The following USP33 variants were observed in gnomAD, a reference collection of about 807,000 sequenced individuals.
The protein encoded by USP33 is ubiquitin carboxyl-terminal hydrolase 33.
In USP33, 46 loss-of-function variants were observed where a neutral mutation model predicts 124.2. That is an observed-to-expected ratio of 0.37 (90% confidence interval 0.29 to 0.47). The LOEUF is 0.47. Among genes scored for constraint, USP33 ranks in the 20% least tolerant of loss-of-function variants. USP33 has a pLI of 0.99. For synonymous variants in USP33, 350 were observed against 352.3 expected, an observed-to-expected ratio of 0.99 and a Z score of 0.07; for missense variants, 851 against 1,070.6, an observed-to-expected ratio of 0.79 and a Z score of 2.86.
intron 11 of USP33, among the ~76,000 whole-genome samples, chr1:77,725,208 T>C (rs1443264180): frequency 6.6e-6 from 1 of 152,188 alleles, no homozygotes; most frequent in Non-Finnish European, 1.5e-5. Context: ...TACTATATGA[T>C]TTCATTTATA....
intron 1 of USP33, among the ~76,000 whole-genome samples, chr1:77,758,547 AT>A (rs1005977418): frequency 1.3e-5 from 2 of 152,062 alleles, no homozygotes; most frequent in African/African-American, 4.8e-5. Flanking sequence ...TATTTCTATT[AT>A]TTTTTCATAA....
intron 21 of USP33, chr1:77,711,528 TACACAC>T (rs66475824): frequency 0.039 from 13,516 of 348,240 alleles, 411 homozygotes; most frequent in African/African-American, 0.12. Flanking sequence ...TTTTGTCTCA[TACACAC>T]ACACACACAC....
At chr1:77,720,776 T>A (rs1396325533) in intron 15 of USP33, among the ~76,000 whole-genome samples, 1 of 152,244 alleles carries the variant, frequency 6.6e-6, no homozygotes, top group Non-Finnish European at 1.5e-5. Flanking sequence ...CTTTCTCGTA[T>A]GCCATTGTTA....
intron 5 of USP33, 68 bp from the exon 6 acceptor site, chr1:77,736,226 T>C: frequency 4.0e-6 from 4 of 1,006,732 alleles, no homozygotes; most frequent in Non-Finnish European, 5.9e-6. Flanking sequence ...TAATTGTAAC[T>C]TATATAACAT....
intron 1 of USP33, chr1:77,746,652 C>A (rs1332294294): frequency 6.6e-6 from 1 of 152,208 alleles, no homozygotes; most frequent in African/African-American, 2.4e-5. Flanking sequence ...CAAACCGAAT[C>A]CAGCAATACA....
At chr1:77,707,091 A>G (rs1674715441) in intron 21 of USP33, among the ~76,000 whole-genome samples, 1 of 152,226 alleles carries the variant, frequency 6.6e-6, no homozygotes, top group Non-Finnish European at 1.5e-5. Context: ...TGAATACTAC[A>G]TTACTACATA....
Position 77,702,141 on chromosome 1 carries a change from CAAAAAAAAAAAAAAAAA to C in USP33, c.2407-687_2407-671del, listed in dbSNP as rs58750531. On this transcript the variant is annotated intron_variant, in intron 21 of 23. Transcript: ENST00000370794. ...TGGGTGACAGAACAAGACCCTGTCT[CAAAAAAAAAAAAAAAAA>C]AAAAAAAAAAAAAAAAAAACCAGTG... is the stretch of plus-strand genomic sequence containing the variant. 2.0e-3 allele frequency among the ~76,000 whole-genome samples: 31 copies of C among 15,782 alleles called. 1 individual carries two copies. The highest frequency in any genetic ancestry group is 3.6e-3 in the Non-Finnish European group (22 of 6,054). The allele number at this position is 15,782 out of a possible 152,430, so 10.4% of individuals were successfully genotyped here.
At chr1:77,712,586 T>A (rs573773920) in intron 20 of USP33, among the ~76,000 whole-genome samples, 1 of 152,268 alleles carries the variant, frequency 6.6e-6, no homozygotes, top group African/African-American at 2.4e-5. Context: ...TCCCAATACT[T>A]TGGACTTTGG....
rs538879229 is a variant in USP33 at position 77,720,366 on chromosome 1, C to T, written c.1691+806G>A. On this transcript the variant is annotated intron_variant, in intron 15 of 23. Coordinates refer to ENST00000370794, the MANE Select transcript of USP33 (RefSeq NM_201624.3). Reference sequence around the variant, plus strand: ...GCTTTGCTTTACAAGGAACAATCCCCTTCCAAGCCAACTTCCTTTTCAGCA... The same window carrying T: ...GCTTTGCTTTACAAGGAACAATCCCTTTCCAAGCCAACTTCCTTTTCAGCA... The T allele has an allele frequency of 3.0e-6, 3 of 985,328 alleles. No individual in the cohort carries two copies. The East Asian group carries it at 3.4e-4, about 112-fold the overall frequency. 61.0% of individuals were successfully genotyped at this position (985,328 alleles called of 1,614,324 possible). A position where few individuals can be genotyped will look rare whatever the true frequency, so the allele number is the denominator to read the frequency against.
intron 1 of USP33, among the ~76,000 whole-genome samples, chr1:77,755,083 T>G (rs1211500942): frequency 1.3e-5 from 2 of 152,202 alleles, no homozygotes; most frequent in East Asian, 3.8e-4. Flanking sequence ...GAGTCTCAAA[T>G]AAGCTGATGA....
intron 12 of USP33, 45 bp downstream of exon 12, chr1:77,723,286 C>T: frequency 7.2e-7 from 1 of 1,383,148 alleles, no homozygotes; most frequent in South Asian, 1.2e-5. Context: ...TTTTAAAAAT[C>T]ATTTGACACG....
chr1:77,702,822 A>T (rs184967920), intron 21 of USP33, among the ~76,000 whole-genome samples: 43 of 152,138 alleles, frequency 2.8e-4, no homozygotes, highest in South Asian at 2.1e-3. Flanking sequence ...CCCAAGTGAG[A>T]GAAAAACTGA....
chr1:77,717,802 C>G, intron 17 of USP33, 65 bp downstream of exon 17: 1 of 1,416,540 alleles, frequency 7.1e-7, no homozygotes, highest in Non-Finnish European at 9.3e-7. Flanking sequence ...GTATGAGCCA[C>G]CACGCCCAGG....
chr1:77,713,320 A>C, intron 19 of USP33, 39 bp from the exon 20 acceptor site: 1 of 1,503,988 alleles, frequency 6.6e-7, no homozygotes, highest in Non-Finnish European at 9.0e-7. Context: ...CATGCTTTTA[A>C]TTATATTCCT....
At chr1:77,726,810 C>A (rs368224929) in intron 10 of USP33, among the ~76,000 whole-genome samples, 1 of 151,862 alleles carries the variant, frequency 6.6e-6, no homozygotes, top group South Asian at 2.1e-4. Flanking sequence ...AAAAATACAC[C>A]ACTTCATCAG....
Position 77,736,058 on chromosome 1 carries a change from C to T in USP33, c.452G>A (p.Arg151Lys). The part of the protein sequence containing the change: ...EADEEDELRA[R>K]GLTGLKNIGN... The stretch of plus-strand genomic sequence containing the variant: ...AGCGTTACACAGGATTAATTTACCT[C>T]TGGCCCTAAGTTCATCTTCTTCATC... The change falls in exon 6 of 24, where the codon AGA becomes AAA. Residue 151 changes from arginine to lysine, a missense_variant and splice_region_variant. Arg to Lys is a conservative substitution (Grantham distance 26). Around this residue, in one of 4 missense-constraint regions of USP33, gnomAD observed 221 missense variants for 302.9 expected, o/e 0.73. Transcript: ENST00000370794. The T allele has an allele frequency of 1.2e-6, 2 of 1,606,854 alleles. No individual in the cohort carries two copies. Among genetic ancestry groups the T allele is most frequent in the Non-Finnish European group, 1.7e-6 (2 of 1,175,616 alleles).
intron 1 of USP33, among the ~76,000 whole-genome samples, chr1:77,755,164 T>G (rs1680681634): frequency 6.6e-6 from 1 of 152,200 alleles, no homozygotes; most frequent in Middle Eastern, 3.2e-3. Context: ...GAACAGTCAT[T>G]AAAAATATTC....
At chr1:77,719,245 GCTATT>G (rs1676282709) in intron 15 of USP33, among the ~76,000 whole-genome samples, 1 of 152,144 alleles carries the variant, frequency 6.6e-6, no homozygotes, top group Admixed American at 6.5e-5. Flanking sequence ...TGTAGTCCCA[GCTATT>G]CATGAGGCTG....
intron 21 of USP33, among the ~76,000 whole-genome samples, chr1:77,706,028 A>G (rs1674588349): frequency 6.6e-6 from 1 of 152,220 alleles, no homozygotes; most frequent in Admixed American, 6.5e-5. Flanking sequence ...TTATACAACT[A>G]TAACACATTT....
Sources: allele counts gnomAD v4.1 joint callset (sites outside exome capture counted in the v4.1 genomes callset), GRCh38; gene constraint gnomAD v4.1.1; regional missense constraint gnomAD v4.1.1; transcripts MANE v1.5; gene names NCBI Gene and HGNC (gene_info 2026-07-23, HGNC 2026-07-21).